Variants in NCK1 observed in about 807,000 individuals in gnomAD.
NCK1 encodes NCK adaptor protein 1.
Under a neutral mutation model 36.6 loss-of-function variants are expected in NCK1, and 19 were observed. The ratio of observed to expected loss-of-function variants is 0.52; its 90% CI spans 0.36 to 0.76. The LOEUF (loss-of-function observed/expected upper bound fraction) is 0.76, where lower values mean the gene tolerates loss of function less well. Among genes scored for constraint, NCK1 ranks in the 30% least tolerant of loss-of-function variants. The pLI is 0.00. For missense variants in NCK1, 358 were observed against 445.6 expected, an observed-to-expected ratio of 0.80 and a Z score of 1.77; for synonymous variants, 165 against 156.0, an observed-to-expected ratio of 1.06 and a Z score of -0.43.
At chr3:136,916,196 A>T (rs900221290) in intron 1 of NCK1, among the ~76,000 whole-genome samples, 4 of 152,220 alleles carry the variant, frequency 2.6e-5, no homozygotes, top group African/African-American at 9.6e-5. Flanking sequence ...ACACAAATCC[A>T]AACTGTATCA....
chr3:136,946,117 C>T lies in NCK1; in HGVS notation c.761C>T (p.Pro254Leu). 2 of 1,613,702 alleles carry T rather than the reference C, an allele frequency of 1.2e-6. No homozygotes were observed. The highest frequency in any genetic ancestry group is 1.7e-6 in the Non-Finnish European group (2 of 1,179,976). Reference sequence around the variant, plus strand: ...TATGTTACCGTTATGCAGAATAATCCATTAACTTCAGGTTTGGAACCATCA... The same window carrying T: ...TATGTTACCGTTATGCAGAATAATCTATTAACTTCAGGTTTGGAACCATCA... ...KNYVTVMQNN[P>L]LTSGLEPSPP... The change falls in exon 3 of 4, where the codon CCA becomes CTA. Residue 254 changes from proline to leucine, a missense_variant. Pro to Leu is a moderately conservative substitution (Grantham distance 98). Transcript: ENST00000481752.
intron 1 of NCK1, among the ~76,000 whole-genome samples, chr3:136,911,078 A>G (rs1939818643): frequency 1.3e-5 from 2 of 152,324 alleles, no homozygotes; most frequent in South Asian, 4.1e-4. Flanking sequence ...TGTTGTTGCA[A>G]ATGAAAGAAT....
chr3:136,868,244 A>G (rs1938505907), intron 1 of NCK1, among the ~76,000 whole-genome samples: 6 of 152,154 alleles, frequency 3.9e-5, no homozygotes, highest in Admixed American at 3.9e-4. Context: ...AAACAATGAT[A>G]TAAAGTCTAT....
intron 1 of NCK1, among the ~76,000 whole-genome samples, chr3:136,865,275 G>C (rs1938381497): frequency 6.6e-6 from 1 of 152,078 alleles, no homozygotes. Context: ...AGTAGAGACG[G>C]AGTTTCACCA....
chr3:136,887,984 G>A (rs1159243894), intron 1 of NCK1, among the ~76,000 whole-genome samples: 1 of 143,734 alleles, frequency 7.0e-6, no homozygotes, highest in African/African-American at 2.6e-5. Context: ...TGCTCTTGTC[G>A]CCCAGGCTGG....
At chr3:136,908,961 C>T (rs1939765178) in intron 1 of NCK1, among the ~76,000 whole-genome samples, 1 of 152,048 alleles carries the variant, frequency 6.6e-6, no homozygotes, top group Non-Finnish European at 1.5e-5. Flanking sequence ...ACACTACACT[C>T]ATGAATGAAT....
intron 1 of NCK1, chr3:136,899,652 T>G (rs559728022): frequency 2.8e-6 from 2 of 715,926 alleles, no homozygotes; most frequent in Non-Finnish European, 5.2e-6. Flanking sequence ...ATTGTCTTTC[T>G]TAGTAATCTT....
chr3:136,883,459 T>C (rs921608428), intron 1 of NCK1, among the ~76,000 whole-genome samples: 4 of 152,184 alleles, frequency 2.6e-5, no homozygotes. Context: ...CTTAAATTTT[T>C]TTTTCTCTAA....
chr3:136,889,858 C>G (rs1361620585), intron 1 of NCK1, among the ~76,000 whole-genome samples: 1 of 152,098 alleles, frequency 6.6e-6, no homozygotes, highest in Non-Finnish European at 1.5e-5. Flanking sequence ...ACAGAGTGCC[C>G]ATTGGTGTAT....
At chr3:136,891,978 T>G (rs1193019853) in intron 1 of NCK1, among the ~76,000 whole-genome samples, 3 of 152,194 alleles carry the variant, frequency 2.0e-5, no homozygotes, top group African/African-American at 7.2e-5. Context: ...AATCTCATCC[T>G]CCTGGGCTCA....
chr3:136,937,332 T>G (rs1211412656), intron 2 of NCK1, among the ~76,000 whole-genome samples: 2 of 152,230 alleles, frequency 1.3e-5, no homozygotes, highest in African/African-American at 2.4e-5. Context: ...ATGTCTGTCC[T>G]TATTCCAATA....
At chr3:136,894,682 A>C (rs1939344308) in intron 1 of NCK1, among the ~76,000 whole-genome samples, 1 of 152,170 alleles carries the variant, frequency 6.6e-6, no homozygotes, top group African/African-American at 2.4e-5. Context: ...AGGCAAACTC[A>C]TTTCTACAGT....
chr3:136,879,381 T>C (rs902223618), intron 1 of NCK1, among the ~76,000 whole-genome samples: 47 of 152,106 alleles, frequency 3.1e-4, no homozygotes, highest in African/African-American at 1.0e-3. Context: ...TCTATGGGTA[T>C]CCTGGAAAAA....
chr3:136,889,540 C>G (rs7631017), intron 1 of NCK1, among the ~76,000 whole-genome samples: 104,349 of 151,846 alleles, frequency 0.69, 36,106 homozygotes, highest in East Asian at 0.87. Flanking sequence ...GAAGGGGACC[C>G]GAGCGGGTTG....
intron 1 of NCK1, among the ~76,000 whole-genome samples, chr3:136,868,514 G>A (rs1167973478): frequency 6.6e-6 from 1 of 150,746 alleles, no homozygotes; most frequent in African/African-American, 2.4e-5. Context: ...TTTTAGCAGA[G>A]ACAGGGTTTC....
chr3:136,923,862 AT>A (rs1265541980), intron 1 of NCK1, among the ~76,000 whole-genome samples: 3 of 152,368 alleles, frequency 2.0e-5, no homozygotes, highest in African/African-American at 7.2e-5. Context: ...TCTTCAAAAA[AT>A]GAAAACAAGT....
chr3:136,921,845 G>A (rs1258415288), intron 1 of NCK1, among the ~76,000 whole-genome samples: 4 of 152,304 alleles, frequency 2.6e-5, no homozygotes, highest in East Asian at 1.9e-4. Context: ...GTGCAGTGGC[G>A]TGATCTCAGC....
intron 1 of NCK1, among the ~76,000 whole-genome samples, chr3:136,866,197 A>G (rs963639077): frequency 2.6e-5 from 4 of 152,088 alleles, no homozygotes; most frequent in African/African-American, 9.7e-5. Context: ...TTTTTTAATC[A>G]GTGCCAGCAC....
intron 2 of NCK1, among the ~76,000 whole-genome samples, chr3:136,935,526 T>C (rs1010401816): frequency 1.3e-5 from 2 of 152,124 alleles, no homozygotes; most frequent in East Asian, 1.9e-4. Context: ...TCAGACTGGT[T>C]GATATGGATG....
Sources: gnomAD v4.1 joint callset for allele counts (sites outside exome capture counted in the v4.1 genomes callset) on GRCh38, gnomAD v4.1.1 for gene constraint, MANE v1.5 for transcripts, NCBI Gene and HGNC (gene_info 2026-07-23, HGNC 2026-07-21) for gene names.